Variants in KCMF1 observed in about 807,000 individuals in gnomAD.
KCMF1 encodes potassium channel modulatory factor 1.
In KCMF1, 3 loss-of-function variants were observed where a neutral mutation model predicts 41.1. The observed-to-expected ratio is 0.07, with a 90% confidence interval of 0.03 to 0.19. The LOEUF (loss-of-function observed/expected upper bound fraction) is 0.19, where lower values mean the gene tolerates loss of function less well. Among genes scored for constraint, KCMF1 ranks in the 10% least tolerant of loss-of-function variants. The probability of loss-of-function intolerance (pLI) is 1.00; values close to 1 mark genes in which losing one functional copy is unlikely to be tolerated. For missense variants in KCMF1, 286 were observed against 488.9 expected (o/e 0.58, Z 3.91); for synonymous variants, 142 against 164.5 (o/e 0.86, Z 1.04).
chr2:85,035,162 G>A lies in KCMF1; in HGVS notation c.324+7G>A. 6.2e-7 allele frequency: 1 copy of A among 1,609,518 alleles called. No individual in the cohort carries two copies. The highest frequency in any genetic ancestry group is 8.5e-7 in the Non-Finnish European group (1 of 1,177,944). On this transcript the variant is annotated splice_region_variant and intron_variant, in intron 3 of 6. Coordinates refer to ENST00000409785, the MANE Select transcript of KCMF1 (RefSeq NM_020122.5). ...AGAAACATCAACAGAAGTGGTAAGT[G>A]AAGCAGCAACCTTATGACTAAAATG...
intron 6 of KCMF1, among the ~76,000 whole-genome samples, 164 bp from the exon 7 acceptor site, chr2:85,052,984 G>A (rs1378489146): frequency 1.3e-5 from 2 of 152,020 alleles, no homozygotes; most frequent in African/African-American, 4.8e-5. Context: ...TGGGGAATTC[G>A]TCTCAACACA....
chr2:85,046,312 A>C (rs763952855), intron 5 of KCMF1, 34 bp downstream of exon 5: 9 of 1,560,808 alleles, frequency 5.8e-6, no homozygotes, highest in Non-Finnish European at 7.0e-6. Flanking sequence ...GGGAAATGGC[A>C]GGGGAAGGAG....
At chr2:84,991,799 A>G (rs1267702376) in intron 1 of KCMF1, among the ~76,000 whole-genome samples, 2 of 152,322 alleles carry the variant, frequency 1.3e-5, no homozygotes, top group East Asian at 3.9e-4. Flanking sequence ...ACTGTGGTCT[A>G]GAAGAAAGAT....
At chr2:85,023,580 C>T (rs938010514) in intron 1 of KCMF1, among the ~76,000 whole-genome samples, 16 of 152,110 alleles carry the variant, frequency 1.1e-4, no homozygotes, top group African/African-American at 3.9e-4. Flanking sequence ...CTCGGTCTCC[C>T]AAAGTGCTGG....
intron 1 of KCMF1, among the ~76,000 whole-genome samples, chr2:84,979,313 A>G (rs1673641287): frequency 6.6e-6 from 1 of 152,190 alleles, no homozygotes; most frequent in Non-Finnish European, 1.5e-5. Flanking sequence ...ACTTAAGGTC[A>G]GGATTTTGAG....
At chr2:85,029,073 A>G (rs777835420) in intron 2 of KCMF1, among the ~76,000 whole-genome samples, 10 of 151,982 alleles carry the variant, frequency 6.6e-5, no homozygotes, top group African/African-American at 9.7e-5. Context: ...GGCTTCAAGC[A>G]ATTCTCGTGC....
rs1307906096 is a variant in KCMF1 at position 85,056,084 on chromosome 2, A to C, written c.*2675A>C. 1.3e-5 allele frequency: 2 copies of C among 151,700 alleles called. No individual in the cohort carries two copies. The highest frequency in any genetic ancestry group is 2.9e-5 in the Non-Finnish European group (2 of 68,002). 9.4% of individuals were successfully genotyped at this position (151,700 alleles called of 1,614,324 possible). The stretch of plus-strand genomic sequence containing the variant: ...AATTTCTGTGGTTGGCTACCGTGAA[A>C]TCTTTGTATTTATATTGCATTGTTT... On this transcript the variant is annotated 3_prime_UTR_variant, in exon 7 of 7. Transcript: ENST00000409785.
chr2:84,981,896 C>T (rs895861563), intron 1 of KCMF1, among the ~76,000 whole-genome samples: 3 of 152,110 alleles, frequency 2.0e-5, no homozygotes, highest in Non-Finnish European at 4.4e-5. Context: ...TCTCCTGCCT[C>T]AGCCTCCTGA....
intron 1 of KCMF1, among the ~76,000 whole-genome samples, chr2:85,018,762 CTT>C (rs1301498912): frequency 1.6e-5 from 2 of 128,942 alleles, no homozygotes; most frequent in African/African-American, 5.8e-5. Flanking sequence ...TATTTGAACT[CTT>C]GTTTCTGTTA....
chr2:85,059,396 T>A lies in KCMF1; in HGVS notation c.*5987T>A, dbSNP rs2272514. The A allele has an allele frequency of 6.6e-6, 1 of 152,100 alleles. No individual in the cohort carries two copies. The highest frequency in any genetic ancestry group is 2.4e-5 in the African/African-American group (1 of 41,400). 9.4% of individuals were successfully genotyped at this position (152,100 alleles called of 1,614,324 possible). A position where few individuals can be genotyped will look rare whatever the true frequency, so the allele number is the denominator to read the frequency against. ...ACTAATTTGTACTGAACCCTTGATA[T>A]AGATTACCTTTTATAACATCACCAC... On this transcript the variant is annotated 3_prime_UTR_variant, in exon 7 of 7. Transcript: ENST00000409785.
chr2:85,029,031 C>T (rs926693037), intron 2 of KCMF1, among the ~76,000 whole-genome samples: 77 of 151,952 alleles, frequency 5.1e-4, no homozygotes, highest in African/African-American at 1.8e-3. Flanking sequence ...ATGCAGTGGC[C>T]GGATTTCGGC....
At chr2:84,977,601 T>C (rs1442186565) in intron 1 of KCMF1, among the ~76,000 whole-genome samples, 1 of 151,816 alleles carries the variant, frequency 6.6e-6, no homozygotes, top group Admixed American at 6.6e-5. Flanking sequence ...TTTTTTCTTT[T>C]TTGTAGAGAC....
At chr2:85,035,357 C>T (rs1038581149) in intron 3 of KCMF1, among the ~76,000 whole-genome samples, 3 of 152,232 alleles carry the variant, frequency 2.0e-5, no homozygotes, top group Admixed American at 6.5e-5. Flanking sequence ...TTACTGTCCA[C>T]ACTGGGTTTC....
At chr2:85,041,290 C>T (rs528504153) in intron 3 of KCMF1, among the ~76,000 whole-genome samples, 2 of 152,152 alleles carry the variant, frequency 1.3e-5, no homozygotes, top group Non-Finnish European at 2.9e-5. Flanking sequence ...GAACCAAAGT[C>T]AATACACGAT....
At chr2:85,024,195 G>A (rs948987011) in intron 1 of KCMF1, among the ~76,000 whole-genome samples, 39 of 152,178 alleles carry the variant, frequency 2.6e-4, no homozygotes, top group African/African-American at 9.2e-4. Context: ...CGAAGAAAAA[G>A]GCCGAGCGTG....
chr2:84,989,278 A>T (rs544367861), intron 1 of KCMF1, among the ~76,000 whole-genome samples: 8 of 152,316 alleles, frequency 5.3e-5, no homozygotes, highest in African/African-American at 1.9e-4. Flanking sequence ...GAAAAAACAG[A>T]TACAGAGGCT....
At position 85,016,378 on chromosome 2, in the gene KCMF1, T is replaced by C. The variant is rs572839774; in HGVS notation, c.17-11511T>C. The stretch of plus-strand genomic sequence containing the variant: ...ATGCGTATATAGAGTTATATGTATA[T>C]TTAATAGATCTTTTTATTCTCTTCC... On this transcript the variant is annotated intron_variant, in intron 1 of 6. Coordinates refer to ENST00000409785, the MANE Select transcript of KCMF1 (RefSeq NM_020122.5). 1.1e-4 allele frequency among the ~76,000 whole-genome samples: 17 copies of C among 152,290 alleles called. No individual in the cohort carries two copies. The South Asian group carries it at 3.3e-3, about 30-fold the overall frequency.
At chr2:84,972,892 AT>A (rs1367513289) in intron 1 of KCMF1, among the ~76,000 whole-genome samples, 3 of 152,214 alleles carry the variant, frequency 2.0e-5, no homozygotes, top group Non-Finnish European at 4.4e-5. Context: ...AGTGTTGGGC[AT>A]TTTGAAATAA....
rs1478268062 is a variant in KCMF1, at chr2:85,058,136, C to G, written c.*4727C>G. On this transcript the variant is annotated 3_prime_UTR_variant, in exon 7 of 7. Transcript: ENST00000409785. ...GGTGTGGTGGCTCACGCCTGTAATCCCAGCACTTTGGGAGGCCAAGGCGGG... is the reference window on the plus strand; with the variant it reads ...GGTGTGGTGGCTCACGCCTGTAATCGCAGCACTTTGGGAGGCCAAGGCGGG... 2.6e-5 allele frequency: 4 copies of G among 152,670 alleles called. No individual in the cohort carries two copies. Among genetic ancestry groups the G allele is most frequent in the Non-Finnish European group, 5.8e-5 (4 of 68,434 alleles). The allele number at this position is 152,670 out of a possible 1,614,324, so 9.5% of individuals were successfully genotyped here.
Sources: allele counts gnomAD v4.1 joint callset (sites outside exome capture counted in the v4.1 genomes callset), GRCh38; gene constraint gnomAD v4.1.1; transcripts MANE v1.5; gene names NCBI Gene and HGNC (gene_info 2026-07-23, HGNC 2026-07-21).